SEMA5A: variants seen among roughly 807,000 people sequenced by gnomAD.
SEMA5A encodes semaphorin-5A.
SEMA5A carries 55 observed loss-of-function variants against 135.5 expected under a neutral mutation model. The ratio of observed to expected loss-of-function variants is 0.41; its 90% confidence interval spans 0.33 to 0.51. SEMA5A has a LOEUF of 0.51. Ranked by LOEUF, SEMA5A falls within the 20% of genes least tolerant of loss-of-function variation. The probability of loss-of-function intolerance (pLI) is 0.37; values close to 1 mark genes in which losing one functional copy is unlikely to be tolerated. For synonymous variants in SEMA5A, 580 were observed against 546.5 expected (o/e 1.06, Z -0.85); for missense variants, 1,290 against 1,419.9 (o/e 0.91, Z 1.47).
chr5:9,426,737 C>T (rs947810847), intron 2 of SEMA5A, among the ~76,000 whole-genome samples: 1 of 152,118 alleles, frequency 6.6e-6, no homozygotes, highest in African/African-American at 2.4e-5. Context: ...TGTATCTGAT[C>T]ATTTAGTAAT....
intron 17 of SEMA5A, among the ~76,000 whole-genome samples, chr5:9,065,741 T>G (rs1228799602): frequency 6.6e-6 from 1 of 152,210 alleles, no homozygotes; most frequent in Non-Finnish European, 1.5e-5. Flanking sequence ...ATCAAGCTCT[T>G]AAGGACCACC....
chr5:9,513,842 T>G (rs1736357553), intron 1 of SEMA5A, among the ~76,000 whole-genome samples: 1 of 152,208 alleles, frequency 6.6e-6, no homozygotes, highest in Non-Finnish European at 1.5e-5. Context: ...TCAATACTCT[T>G]AGGTCAAAAG....
intron 11 of SEMA5A, among the ~76,000 whole-genome samples, chr5:9,178,331 C>CTTTTTTTTTTTTTT (rs5865809): frequency 1.6e-5 from 2 of 123,600 alleles, no homozygotes; most frequent in Non-Finnish European, 1.7e-5. Flanking sequence ...TTTTTCTCTC[C>CTTTTTTTTTTTTTT]TTTTTTTTTT....
At chr5:9,381,656 C>T (rs1478737305) in intron 2 of SEMA5A, among the ~76,000 whole-genome samples, 1 of 152,100 alleles carries the variant, frequency 6.6e-6, no homozygotes, top group Non-Finnish European at 1.5e-5. Context: ...ACACATGAGC[C>T]CAACTCTCCA....
In SEMA5A at chr5:9,265,659, A is replaced by G. The variant is rs376371593; in HGVS notation, c.271-27769T>C. The G allele has an allele frequency of 4.1e-5, 17 of 412,120 alleles. No homozygotes were observed. In the East Asian group the frequency reaches 1.2e-3, roughly 30 times the overall value. The allele number at this position is 412,120 out of a possible 1,614,324, so 25.5% of individuals were successfully genotyped here. A position where few individuals can be genotyped will look rare whatever the true frequency, so the allele number is the denominator to read the frequency against. On this transcript the variant is annotated intron_variant, in intron 5 of 22. Transcript: ENST00000382496. ...GGGATCCCTCCCTCACGAATAAGAC[A>G]AACAAAAGGAAATTAAAACAAGCAA...
At chr5:9,492,856 G>A (rs867532183) in intron 1 of SEMA5A, among the ~76,000 whole-genome samples, 1 of 152,174 alleles carries the variant, frequency 6.6e-6, no homozygotes, top group African/African-American at 2.4e-5. Context: ...GTTGCCAGGG[G>A]CTGAGGGGAG....
At chr5:9,182,168 A>AT (rs58373626) in intron 11 of SEMA5A, among the ~76,000 whole-genome samples, 13,025 of 138,786 alleles carry the variant, frequency 0.094, 1,148 homozygotes, top group African/African-American at 0.2. Flanking sequence ...CCCAAAAAAA[A>AT]ATACGCTTCC....
chr5:9,532,010 G>T (rs1737470580), intron 1 of SEMA5A, among the ~76,000 whole-genome samples: 1 of 152,188 alleles, frequency 6.6e-6, no homozygotes, highest in Admixed American at 6.5e-5. Context: ...AACCTCAGTT[G>T]TGTCTTCCAG....
chr5:9,405,326 T>C (rs1429305413), intron 2 of SEMA5A, among the ~76,000 whole-genome samples: 1 of 152,210 alleles, frequency 6.6e-6, no homozygotes, highest in Admixed American at 6.5e-5. Context: ...TATCATCCAG[T>C]AGCCATGAAT....
chr5:9,109,251 G>A (rs1038536879), intron 15 of SEMA5A, among the ~76,000 whole-genome samples: 2 of 151,372 alleles, frequency 1.3e-5, no homozygotes, highest in African/African-American at 2.4e-5. Flanking sequence ...CGTTTTAGCC[G>A]GGATGGTCTC....
At chr5:9,541,877 C>A (rs938049959) in intron 1 of SEMA5A, among the ~76,000 whole-genome samples, 1 of 152,144 alleles carries the variant, frequency 6.6e-6, no homozygotes, top group African/African-American at 2.4e-5. Flanking sequence ...GCTATACAAC[C>A]TTTTAGATGG....
chr5:9,435,715 A>T (rs954543844), intron 2 of SEMA5A, among the ~76,000 whole-genome samples: 2 of 152,112 alleles, frequency 1.3e-5, no homozygotes, highest in African/African-American at 4.8e-5. Context: ...CTTTGTAATA[A>T]AGTTTTATTG....
chr5:9,202,369 T>TTTTTGATGATAC, intron 8 of SEMA5A, 129 bp from the exon 9 acceptor site: 11 of 878,934 alleles, frequency 1.3e-5, no homozygotes, highest in East Asian at 5.3e-5. Context: ...ATAGGACTAT[T>TTTTTGATGATAC]GGGAGGCCCC....
intron 8 of SEMA5A, among the ~76,000 whole-genome samples, chr5:9,215,443 T>G (rs1412832525): frequency 6.6e-6 from 1 of 152,162 alleles, no homozygotes; most frequent in Admixed American, 6.5e-5. Flanking sequence ...TATAATCAAG[T>G]TAAGATATTC....
chr5:9,386,923 A>G (rs1371827117), intron 2 of SEMA5A, among the ~76,000 whole-genome samples: 1 of 152,216 alleles, frequency 6.6e-6, no homozygotes, highest in East Asian at 1.9e-4. Flanking sequence ...GAGGTGGCTT[A>G]GGCCCTTGGT....
intron 8 of SEMA5A, among the ~76,000 whole-genome samples, chr5:9,223,870 G>T (rs951602763): frequency 2.0e-5 from 3 of 152,136 alleles, no homozygotes; most frequent in Admixed American, 6.5e-5. Context: ...AATTTGGATG[G>T]TTGTCACCAT....
At chr5:9,481,049 G>T (rs370100567) in intron 1 of SEMA5A, among the ~76,000 whole-genome samples, 2 of 152,154 alleles carry the variant, frequency 1.3e-5, no homozygotes, top group African/African-American at 4.8e-5. Context: ...AAGTTCAAGC[G>T]ATTCTCCTGC....
At chr5:9,231,149 T>C (rs545877399) in intron 6 of SEMA5A, among the ~76,000 whole-genome samples, 54 of 152,192 alleles carry the variant, frequency 3.5e-4, no homozygotes, top group African/African-American at 1.3e-3. Flanking sequence ...ATTTGGGAAT[T>C]GGACAGTCAA....
chr5:9,509,370 G>C (rs557596959), intron 1 of SEMA5A, among the ~76,000 whole-genome samples: 2 of 152,200 alleles, frequency 1.3e-5, no homozygotes, highest in South Asian at 2.1e-4. Flanking sequence ...CACCTACCGG[G>C]TTCAAGTGAT....
Sources: allele counts gnomAD v4.1 joint callset (sites outside exome capture counted in the v4.1 genomes callset), GRCh38; gene constraint gnomAD v4.1.1; transcripts MANE v1.5; gene names NCBI Gene and HGNC (gene_info 2026-07-23, HGNC 2026-07-21).